C8orf34: variants seen among roughly 807,000 people sequenced by gnomAD.
The protein encoded by C8orf34 is uncharacterized protein C8orf34.
A neutral mutation model predicts 68.3 loss-of-function variants in C8orf34; 65 were observed. That is an observed-to-expected ratio of 0.95 (90% CI 0.78 to 1.17). The LOEUF is 1.17. Ranked by LOEUF, C8orf34 falls within the 50% of genes most tolerant of loss-of-function variation. C8orf34 has a pLI of 0.00. For missense variants in C8orf34, 664 were observed against 655.4 expected (o/e 1.01, Z -0.14); for synonymous variants, 244 against 241.2 (o/e 1.01, Z -0.11).
At chr8:68,368,187 A>C (rs925242636) in intron 1 of C8orf34, among the ~76,000 whole-genome samples, 5 of 152,166 alleles carry the variant, frequency 3.3e-5, no homozygotes, top group African/African-American at 1.2e-4. Flanking sequence ...ACCGGAAAGT[A>C]GATTTAATTA....
intron 7 of C8orf34, among the ~76,000 whole-genome samples, chr8:68,584,202 C>T (rs1227479619): frequency 1.3e-5 from 2 of 152,064 alleles, no homozygotes; most frequent in Non-Finnish European, 2.9e-5. Flanking sequence ...CTGTCCCTAA[C>T]TTTGAAATGG....
chr8:68,385,517 C>T (rs1808224376), intron 1 of C8orf34, among the ~76,000 whole-genome samples: 1 of 152,142 alleles, frequency 6.6e-6, no homozygotes, highest in South Asian at 2.1e-4. Context: ...TAATAAAAAA[C>T]AGTGAGTGAG....
In C8orf34 at chr8:68,790,224, G is replaced by A. The variant is rs1371968269; in HGVS notation, c.1549+2688G>A. 2.6e-5 allele frequency among the ~76,000 whole-genome samples: 4 copies of A among 152,286 alleles called. No individual in the cohort carries two copies. In the East Asian group the frequency reaches 7.7e-4, roughly 29 times the overall value. On this transcript the variant is annotated intron_variant, in intron 12 of 13. Transcript: ENST00000518698. ...GTTTGCAGAACAGCTGGCTAGATAT[G>A]CATAGATCATCTGCCTCTGTCTCAG... is the stretch of plus-strand genomic sequence containing the variant.
chr8:68,557,841 G>C (rs1050960892), intron 7 of C8orf34, among the ~76,000 whole-genome samples: 2 of 152,174 alleles, frequency 1.3e-5, no homozygotes, highest in Admixed American at 6.5e-5. Context: ...GGATATGACT[G>C]ATGGAGTCTT....
intron 8 of C8orf34, among the ~76,000 whole-genome samples, chr8:68,686,045 T>C (rs1385372705): frequency 2.0e-5 from 3 of 151,800 alleles, no homozygotes; most frequent in African/African-American, 7.3e-5. Flanking sequence ...AGGAAATGGG[T>C]AAATTCCTGG....
chr8:68,713,859 G>A (rs1017253278), intron 9 of C8orf34, among the ~76,000 whole-genome samples: 4 of 152,052 alleles, frequency 2.6e-5, no homozygotes, highest in Admixed American at 2.6e-4. Flanking sequence ...CTACAGACCA[G>A]TATCCTTGAT....
intron 10 of C8orf34, among the ~76,000 whole-genome samples, chr8:68,746,333 A>ACACCTCTAC: frequency 0.25 from 1 of 4 alleles, no homozygotes; most frequent in Non-Finnish European, 0.5. Context: ...GAACTAGAAA[A>ACACCTCTAC]GCAGAGCAAA....
intron 5 of C8orf34, among the ~76,000 whole-genome samples, chr8:68,502,043 G>A (rs998053760): frequency 5.3e-5 from 8 of 151,894 alleles, no homozygotes; most frequent in Non-Finnish European, 1.0e-4. Flanking sequence ...TCAGATTCTC[G>A]TCTTTAAGGA....
intron 3 of C8orf34, among the ~76,000 whole-genome samples, chr8:68,456,449 T>C (rs1464731371): frequency 2.0e-5 from 3 of 152,186 alleles, no homozygotes; most frequent in African/African-American, 7.2e-5. Context: ...AAACACATAA[T>C]TTATGCTATG....
At chr8:68,792,597 A>G (rs1824040078) in intron 12 of C8orf34, 1 of 141,426 alleles carries the variant, frequency 7.1e-6, no homozygotes, top group Admixed American at 7.0e-5. Context: ...AAAAAAAAAA[A>G]AAAAGATATT....
chr8:68,567,577 CTTTTTTTTTTTTTTTTT>C (rs1160845483), intron 7 of C8orf34, among the ~76,000 whole-genome samples: 23 of 29,792 alleles, frequency 7.7e-4, no homozygotes, highest in African/African-American at 1.6e-3. Flanking sequence ...TTTCATTTAT[CTTTTTTTTTTTTTTTTT>C]TTTTTTTTTT....
intron 1 of C8orf34, among the ~76,000 whole-genome samples, chr8:68,384,489 A>G (rs1196216830): frequency 6.6e-6 from 1 of 152,228 alleles, no homozygotes; most frequent in Non-Finnish European, 1.5e-5. Context: ...ATAAAAGAAG[A>G]CAAGATTAAT....
intron 7 of C8orf34, among the ~76,000 whole-genome samples, chr8:68,574,250 G>GA (rs1412239032): frequency 2.0e-5 from 3 of 151,942 alleles, no homozygotes; most frequent in Non-Finnish European, 2.9e-5. Context: ...CAAATACTGA[G>GA]AAAAAATGAC....
chr8:68,521,040 G>A (rs1814732732), intron 5 of C8orf34, among the ~76,000 whole-genome samples: 1 of 152,114 alleles, frequency 6.6e-6, no homozygotes. Context: ...TTTGCCTGTA[G>A]CAAGTCTTAA....
intron 7 of C8orf34, among the ~76,000 whole-genome samples, chr8:68,583,796 G>A (rs943721259): frequency 3.9e-5 from 6 of 151,926 alleles, no homozygotes; most frequent in South Asian, 2.1e-4. Flanking sequence ...AAATAATATC[G>A]TGGTCTCATT....
chr8:68,342,151 G>C (rs1380344950), intron 1 of C8orf34, among the ~76,000 whole-genome samples: 2 of 152,096 alleles, frequency 1.3e-5, no homozygotes, highest in Non-Finnish European at 2.9e-5. Context: ...ATTTCATAGT[G>C]TATAATATAT....
At chr8:68,369,860 T>A (rs1475682236) in intron 1 of C8orf34, among the ~76,000 whole-genome samples, 2 of 152,228 alleles carry the variant, frequency 1.3e-5, no homozygotes, top group Non-Finnish European at 2.9e-5. Flanking sequence ...TTGGATCTAC[T>A]GGAGCATAAG....
chr8:68,474,183 A>G (rs1429075749), intron 4 of C8orf34, among the ~76,000 whole-genome samples: 2 of 152,120 alleles, frequency 1.3e-5, no homozygotes, highest in African/African-American at 4.8e-5. Flanking sequence ...AACATGCCCA[A>G]AGCGTATCTC....
chr8:68,421,702 A>T (rs1809980324), intron 1 of C8orf34, among the ~76,000 whole-genome samples: 2 of 152,248 alleles, frequency 1.3e-5, no homozygotes, highest in Admixed American at 6.5e-5. Flanking sequence ...ATAGGGCACC[A>T]GCAGGAAGTC....
Sources: allele counts gnomAD v4.1 joint callset (sites outside exome capture counted in the v4.1 genomes callset), GRCh38; gene constraint gnomAD v4.1.1; transcripts MANE v1.5; gene names NCBI Gene and HGNC (gene_info 2026-07-23, HGNC 2026-07-21).